Variants in KLHL29 observed in about 807,000 individuals in gnomAD.
KLHL29 encodes the protein kelch-like protein 29.
Under a neutral mutation model 80.4 loss-of-function variants are expected in KLHL29, and 21 were observed. The observed-to-expected ratio is 0.26, with a 90% CI of 0.19 to 0.38. KLHL29 has a LOEUF of 0.38. KLHL29 is among the 10% of genes least tolerant of loss of function. KLHL29 has a pLI of 1.00. For missense variants in KLHL29, 867 were observed against 1,223.9 expected, an observed-to-expected ratio of 0.71 and a Z score of 4.35; for synonymous variants, 511 against 526.8, an observed-to-expected ratio of 0.97 and a Z score of 0.41.
intron 5 of KLHL29, chr2:23,668,066 G>GT (rs1670603635): frequency 6.6e-6 from 1 of 152,404 alleles, no homozygotes. Flanking sequence ...CCTCCTCCCT[G>GT]TTTGACGTCT....
At chr2:23,436,029 C>T (rs1663331420) in intron 1 of KLHL29, among the ~76,000 whole-genome samples, 1 of 151,734 alleles carries the variant, frequency 6.6e-6, no homozygotes, top group Non-Finnish European at 1.5e-5. Flanking sequence ...TTCTAATCTT[C>T]TGCCCCGGGC....
chr2:23,452,166 C>T lies in KLHL29; in HGVS notation c.-153-23394C>T, dbSNP rs181246965. Among the ~76,000 whole-genome samples, 58 of 150,042 alleles carry T rather than the reference C, an allele frequency of 3.9e-4. 1 individual carries two copies. Among genetic ancestry groups the T allele is most frequent in the African/African-American group, 1.4e-3 (55 of 40,224 alleles). ...AGCTGGGACCACAAGCATGTCCCAC[C>T]GTGCCCAGAAAAAAAAATTTTTTTC... On this transcript the variant is annotated intron_variant, in intron 1 of 13. Transcript: ENST00000486442.
intron 5 of KLHL29, among the ~76,000 whole-genome samples, chr2:23,646,366 T>C (rs1669933851): frequency 6.6e-6 from 1 of 152,214 alleles, no homozygotes; most frequent in South Asian, 2.1e-4. Flanking sequence ...TTTTGGTGGC[T>C]CAGAGGATGT....
intron 2 of KLHL29, among the ~76,000 whole-genome samples, chr2:23,490,140 T>G (rs958282310): frequency 6.6e-6 from 1 of 152,262 alleles, no homozygotes. Flanking sequence ...TTTTGGCCTC[T>G]TGATCTCCCA....
At chr2:23,556,476 CA>C (rs113043704) in intron 2 of KLHL29, among the ~76,000 whole-genome samples, 7 of 143,640 alleles carry the variant, frequency 4.9e-5, no homozygotes, top group Admixed American at 2.1e-4. Flanking sequence ...CCATTTCTAC[CA>C]AAAAAAAAAC....
At chr2:23,660,594 A>G (rs1268398793) in intron 5 of KLHL29, among the ~76,000 whole-genome samples, 1 of 152,252 alleles carries the variant, frequency 6.6e-6, no homozygotes, top group Non-Finnish European at 1.5e-5. Context: ...GACAAGGGGC[A>G]CAGATAACTG....
chr2:23,466,340 C>T (rs921672936), intron 1 of KLHL29, among the ~76,000 whole-genome samples: 1 of 152,172 alleles, frequency 6.6e-6, no homozygotes. Context: ...TAAGAAGCAT[C>T]TATGTGTTTC....
At chr2:23,593,854 TGTGGCCAGGC>T (rs1668328986) in intron 3 of KLHL29, among the ~76,000 whole-genome samples, 1 of 152,186 alleles carries the variant, frequency 6.6e-6, no homozygotes, top group African/African-American at 2.4e-5. Flanking sequence ...CAGGGCACCC[TGTGGCCAGGC>T]GTGTCGCCTA....
At chr2:23,551,891 C>A (rs1034961220) in intron 2 of KLHL29, among the ~76,000 whole-genome samples, 5 of 152,236 alleles carry the variant, frequency 3.3e-5, no homozygotes, top group Non-Finnish European at 7.3e-5. Context: ...GACTATGGAC[C>A]ACATTTTGAG....
chr2:23,458,381 C>T (rs1162153196), intron 1 of KLHL29, among the ~76,000 whole-genome samples: 1 of 152,154 alleles, frequency 6.6e-6, no homozygotes, highest in African/African-American at 2.4e-5. Context: ...CAAAAGCAGC[C>T]ATAGACAATA....
At chr2:23,471,955 C>T (rs1664505210) in intron 1 of KLHL29, among the ~76,000 whole-genome samples, 1 of 151,966 alleles carries the variant, frequency 6.6e-6, no homozygotes, top group Non-Finnish European at 1.5e-5. Flanking sequence ...TTTTAAATAC[C>T]ATGTATCTCA....
chr2:23,452,584 A>G (rs1414318597), intron 1 of KLHL29, among the ~76,000 whole-genome samples: 1 of 152,236 alleles, frequency 6.6e-6, no homozygotes, highest in Admixed American at 6.5e-5. Context: ...CACTCATGCC[A>G]TCAGCCCCGC....
At chr2:23,644,693 G>C (rs538059909) in intron 5 of KLHL29, among the ~76,000 whole-genome samples, 78 of 152,240 alleles carry the variant, frequency 5.1e-4, no homozygotes, top group Admixed American at 1.1e-3. Context: ...TTGCAGAGCT[G>C]TTCCTGTAAC....
At chr2:23,493,653 GTGTGCGCGCATGTGTGTGCA>G (rs1298092263) in intron 2 of KLHL29, among the ~76,000 whole-genome samples, 5 of 152,096 alleles carry the variant, frequency 3.3e-5, no homozygotes. Flanking sequence ...GAGTGTGTGT[GTGTGCGCGCATGTGTGTGCA>G]TGTGTATGTG....
At chr2:23,459,819 T>C (rs1664162531) in intron 1 of KLHL29, among the ~76,000 whole-genome samples, 1 of 152,142 alleles carries the variant, frequency 6.6e-6, no homozygotes, top group Non-Finnish European at 1.5e-5. Flanking sequence ...GTGGAAACCG[T>C]CCATTGGATT....
intron 5 of KLHL29, among the ~76,000 whole-genome samples, chr2:23,678,732 A>G (rs1670989706): frequency 6.6e-6 from 1 of 152,248 alleles, no homozygotes; most frequent in Non-Finnish European, 1.5e-5. Context: ...AGCCAGCCTT[A>G]AAAAGGAGGG....
chr2:23,521,230 G>A (rs1666093163), intron 2 of KLHL29, among the ~76,000 whole-genome samples: 1 of 152,082 alleles, frequency 6.6e-6, no homozygotes, highest in Non-Finnish European at 1.5e-5. Context: ...CCATGCAGAA[G>A]GCCATGCAGA....
intron 1 of KLHL29, among the ~76,000 whole-genome samples, chr2:23,407,103 T>C (rs1182275973): frequency 6.6e-6 from 1 of 152,266 alleles, no homozygotes; most frequent in Non-Finnish European, 1.5e-5. Flanking sequence ...CATTATATTC[T>C]GTTATATTAA....
intron 5 of KLHL29, among the ~76,000 whole-genome samples, chr2:23,670,987 T>TCTCTCTCTCTCTCTCTCTCTCTCTCTCC (rs1558432998): frequency 4.7e-4 from 1 of 2,148 alleles, no homozygotes; most frequent in Non-Finnish European, 1.2e-3. Flanking sequence ...TCTCCCTCCC[T>TCTCTCTCTCTCTCTCTCTCTCTCTCTCC]CCCTCCCTCC....
Sources: gnomAD v4.1 joint callset for allele counts (sites outside exome capture counted in the v4.1 genomes callset) on GRCh38, gnomAD v4.1.1 for gene constraint, MANE v1.5 for transcripts, NCBI Gene and HGNC (gene_info 2026-07-23, HGNC 2026-07-21) for gene names.